LDLRAD4: variants seen among roughly 807,000 people sequenced by gnomAD.
LDLRAD4 encodes the protein low density lipoprotein receptor class A domain containing 4, also known as low-density lipoprotein receptor class A domain-containing protein 4.
In LDLRAD4, 5 loss-of-function variants were observed where a neutral mutation model predicts 17.0. The observed-to-expected ratio is 0.29, with a 90% CI of 0.15 to 0.62. The LOEUF is 0.62. LDLRAD4 is among the 20% of genes least tolerant of loss of function. The pLI, the probability that LDLRAD4 is intolerant of heterozygous loss-of-function variation, is 0.84. For missense variants in LDLRAD4, 340 were observed against 424.7 expected (o/e 0.80, Z 1.75); for synonymous variants, 168 against 171.8 (o/e 0.98, Z 0.17).
At chr18:13,609,350 A>G (rs2039264417) in intron 3 of LDLRAD4, among the ~76,000 whole-genome samples, 1 of 152,188 alleles carries the variant, frequency 6.6e-6, no homozygotes, top group African/African-American at 2.4e-5. Context: ...ACCATCTTCA[A>G]GTGGTGCTTA....
chr18:13,583,626 G>C (rs2094896198), intron 3 of LDLRAD4, among the ~76,000 whole-genome samples: 1 of 152,192 alleles, frequency 6.6e-6, no homozygotes. Context: ...AAGAAAGATT[G>C]ATATTTGCCA....
intron 3 of LDLRAD4, chr18:13,490,700 G>T (rs73406383): frequency 6.6e-6 from 1 of 152,070 alleles, no homozygotes; most frequent in South Asian, 2.1e-4. Flanking sequence ...TACCTCATCT[G>T]TGGTTTATAG....
chr18:13,347,739 A>T (rs1349692857), intron 1 of LDLRAD4, among the ~76,000 whole-genome samples: 1 of 152,138 alleles, frequency 6.6e-6, no homozygotes, highest in East Asian at 1.9e-4. Context: ...CTTTTCACAT[A>T]GTCCCATATT....
intron 4 of LDLRAD4, among the ~76,000 whole-genome samples, chr18:13,631,048 C>T (rs1409811403): frequency 6.6e-6 from 1 of 152,184 alleles, no homozygotes; most frequent in African/African-American, 2.4e-5. Flanking sequence ...CAGCAGGGTT[C>T]GGGCGTGGTG....
chr18:13,572,316 T>C (rs1030635556), intron 3 of LDLRAD4, among the ~76,000 whole-genome samples: 2 of 152,218 alleles, frequency 1.3e-5, no homozygotes, highest in South Asian at 2.1e-4. Context: ...TGGCCCCCTT[T>C]GCAGCCGGCT....
intron 3 of LDLRAD4, among the ~76,000 whole-genome samples, chr18:13,491,023 C>T (rs1231840530): frequency 1.3e-5 from 2 of 152,172 alleles, no homozygotes; most frequent in Non-Finnish European, 2.9e-5. Context: ...TAGTTGGACA[C>T]AGTGGGTGGC....
At chr18:13,222,800 C>G (rs1049464842) in intron 1 of LDLRAD4, among the ~76,000 whole-genome samples, 3 of 152,242 alleles carry the variant, frequency 2.0e-5, no homozygotes, top group Non-Finnish European at 2.9e-5. Context: ...TCCACACTCC[C>G]GTTCTTCCTC....
At chr18:13,295,405 A>G (rs1052147255) in intron 1 of LDLRAD4, among the ~76,000 whole-genome samples, 1 of 152,188 alleles carries the variant, frequency 6.6e-6, no homozygotes, top group Non-Finnish European at 1.5e-5. Flanking sequence ...AGCCCAGGGA[A>G]TACCAGTGGC....
chr18:13,608,255 A>G (rs1260801913), intron 3 of LDLRAD4, among the ~76,000 whole-genome samples: 1 of 151,336 alleles, frequency 6.6e-6, no homozygotes, highest in Non-Finnish European at 1.5e-5. Context: ...GGCGATCACT[A>G]TTTCTAATTC....
At chr18:13,614,155 A>G (rs1187987863) in intron 3 of LDLRAD4, 1 of 152,234 alleles carries the variant, frequency 6.6e-6, no homozygotes, top group East Asian at 1.9e-4. Context: ...GGGCTTCTCC[A>G]CCAGCTTCTA....
rs1343089746 is a variant in LDLRAD4, at chr18:13,278,189, G to GT, written c.-383+2dup. 6.6e-6 allele frequency: 1 copy of GT among 152,228 alleles called. No homozygotes were observed. Among genetic ancestry groups the GT allele is most frequent in the Non-Finnish European group, 1.5e-5 (1 of 68,064 alleles). The allele number at this position is 152,228 out of a possible 1,614,324, so 9.4% of individuals were successfully genotyped here. A position where few individuals can be genotyped will look rare whatever the true frequency, so the allele number is the denominator to read the frequency against. On this transcript the variant is annotated splice_donor_variant, in intron 1 of 5. Coordinates refer to ENST00000359446, the Ensembl canonical transcript of LDLRAD4. LOFTEE classifies it low-confidence loss of function (5UTR_SPLICE). ...CATCAGTTTCTGTATAGTGTAAAAG[G>GT]TAAGTGGAATTACTTGTGACTGTTC... is the stretch of plus-strand genomic sequence containing the variant.
chr18:13,358,109 A>T (rs1185095430), intron 1 of LDLRAD4, among the ~76,000 whole-genome samples: 1 of 152,006 alleles, frequency 6.6e-6, no homozygotes, highest in African/African-American at 2.4e-5. Flanking sequence ...TTTGCACCAG[A>T]CCTGGAATCA....
chr18:13,576,165 T>C (rs962757379), intron 3 of LDLRAD4, among the ~76,000 whole-genome samples: 2 of 152,152 alleles, frequency 1.3e-5, no homozygotes, highest in African/African-American at 4.8e-5. Context: ...GGCTCACGCC[T>C]GTAATCCCAG....
rs760461914 is a variant in LDLRAD4, at chr18:13,536,594, G to C, written c.182-84523G>C. Among the ~76,000 whole-genome samples the C allele has an allele frequency of 4.0e-5, 6 of 151,204 alleles. No individual in the cohort carries two copies. In the South Asian group the frequency reaches 1.0e-3, roughly 26 times the overall value. Reference sequence around the variant, plus strand: ...GTTTTACATCTTTTTTTCCCAGCCTGTATGCCTTTAATGTCTTTTTTTTTT... The same window carrying C: ...GTTTTACATCTTTTTTTCCCAGCCTCTATGCCTTTAATGTCTTTTTTTTTT... On this transcript the variant is annotated intron_variant, in intron 3 of 5. Coordinates refer to ENST00000359446, the Ensembl canonical transcript of LDLRAD4.
In LDLRAD4 at chr18:13,622,494, C is replaced by T. The variant is rs1307910294; in HGVS notation, c.336+1223C>T. On this transcript the variant is annotated intron_variant, in intron 4 of 5. Coordinates refer to ENST00000359446, the Ensembl canonical transcript of LDLRAD4. The surrounding 1 kb of genome is among the most constrained non-coding windows in gnomAD (Gnocchi z 5.3). ...CTTGCCCCCTGCATCCTCTCTTGCC[C>T]CTTCTGTCCTCTCTCTGGATGCCCA... 6.6e-6 allele frequency among the ~76,000 whole-genome samples: 1 copy of T among 152,198 alleles called. No homozygotes were observed. The highest frequency in any genetic ancestry group is 1.5e-5 in the Non-Finnish European group (1 of 68,032).
chr18:13,450,849 G>A (rs1015495502), intron 3 of LDLRAD4, among the ~76,000 whole-genome samples: 2 of 152,188 alleles, frequency 1.3e-5, no homozygotes, highest in Non-Finnish European at 2.9e-5. Context: ...CCTGGGCAGG[G>A]ATGCCACATA....
intron 3 of LDLRAD4, among the ~76,000 whole-genome samples, chr18:13,466,686 A>G (rs564044643): frequency 3.5e-4 from 53 of 152,280 alleles, no homozygotes; most frequent in Middle Eastern, 3.4e-3. Flanking sequence ...CCTCTAACAA[A>G]ATACCATATA....
chr18:13,558,746 T>A (rs1296853572), intron 3 of LDLRAD4, among the ~76,000 whole-genome samples: 1 of 152,182 alleles, frequency 6.6e-6, no homozygotes, highest in Non-Finnish European at 1.5e-5. Context: ...AGAAAAATTT[T>A]AAAAAGTATG....
chr18:13,365,176 T>G (rs748648640), intron 1 of LDLRAD4, among the ~76,000 whole-genome samples: 2 of 152,258 alleles, frequency 1.3e-5, no homozygotes, highest in Non-Finnish European at 2.9e-5. Context: ...AGCAGATGCC[T>G]GTCCTTGGAA....
Sources: allele counts gnomAD v4.1 joint callset (sites outside exome capture counted in the v4.1 genomes callset), GRCh38; gene constraint gnomAD v4.1.1; non-coding constraint Gnocchi (gnomAD v3.1); transcripts MANE v1.5; gene names NCBI Gene and HGNC (gene_info 2026-07-23, HGNC 2026-07-21).